The following GOLGA8A variants were observed in gnomAD, a reference collection of about 807,000 sequenced individuals.
GOLGA8A encodes golgin A8 family member A.
Under a neutral mutation model 22.1 loss-of-function variants are expected in GOLGA8A, and 3 were observed. That is an observed-to-expected ratio of 0.14 (90% CI 0.06 to 0.35). The LOEUF (loss-of-function observed/expected upper bound fraction) is 0.35. Ranked by LOEUF, GOLGA8A falls within the 10% of genes least tolerant of loss-of-function variation. GOLGA8A has a pLI of 1.00. For synonymous variants in GOLGA8A, 7 were observed against 91.7 expected, an observed-to-expected ratio of 0.08 and a Z score of 5.28; for missense variants, 16 against 233.2, an observed-to-expected ratio of 0.07 and a Z score of 6.07.
At position 34,380,417 on chromosome 15, in the gene GOLGA8A, TAAG is replaced by T. The variant is rs963916648; in HGVS notation, c.*991_*993del. 3 of 152,288 alleles carry T rather than the reference TAAG, an allele frequency of 2.0e-5. No individual in the cohort carries two copies. Among genetic ancestry groups the T allele is most frequent in the African/African-American group, 2.4e-5 (1 of 41,546 alleles). The allele number at this position is 152,288 out of a possible 1,614,324, so 9.4% of individuals were successfully genotyped here. A position where few individuals can be genotyped will look rare whatever the true frequency, so the allele number is the denominator to read the frequency against. ...TTCTTATGATCTTCACTAAATACAT[TAAG>T]AAGAATGCCAACCAGCGCCCTTTCG... On this transcript the variant is annotated 3_prime_UTR_variant, in exon 25 of 25. Transcript: ENST00000359187.
chr15:34,429,135 G>C (rs980221405), intron 2 of GOLGA8A, among the ~76,000 whole-genome samples: 1 of 143,716 alleles, frequency 7.0e-6, no homozygotes, highest in South Asian at 2.3e-4. Flanking sequence ...CCCTCCTCTC[G>C]CCTCTGGATG....
At position 34,431,589 on chromosome 15, in the gene GOLGA8A, T is replaced by G. The variant is rs912311242; in HGVS notation, c.-1123+3794A>C. On this transcript the variant is annotated intron_variant, in intron 2 of 24. Coordinates refer to ENST00000359187, the MANE Select transcript of GOLGA8A (RefSeq NM_181077.5). ...CTAGGCAGCATGTTACTGTGCTGAATGTGTGTATCTAAACATAGAAAAGGC... is the reference window on the plus strand; with the variant it reads ...CTAGGCAGCATGTTACTGTGCTGAAGGTGTGTATCTAAACATAGAAAAGGC... Among the ~76,000 whole-genome samples the G allele has an allele frequency of 2.2e-4, 33 of 147,056 alleles. 3 individuals are homozygous for G. Among genetic ancestry groups the G allele is most frequent in the African/African-American group, 6.5e-4 (26 of 39,782 alleles).
At chr15:34,419,077 G>A (rs1047381049) in intron 2 of GOLGA8A, 1 of 137,722 alleles carries the variant, frequency 7.3e-6, no homozygotes, top group Non-Finnish European at 1.6e-5. Context: ...GCTAATTTTT[G>A]TATTTTTGTA....
intron 2 of GOLGA8A, among the ~76,000 whole-genome samples, chr15:34,427,735 A>C (rs1449343794): frequency 6.7e-6 from 1 of 148,410 alleles, no homozygotes; most frequent in Non-Finnish European, 1.5e-5. Flanking sequence ...CCTATTTGCC[A>C]AATCACCAGC....
intron 2 of GOLGA8A, among the ~76,000 whole-genome samples, chr15:34,432,573 C>T (rs1893307402): frequency 6.7e-6 from 1 of 149,324 alleles, no homozygotes; most frequent in Non-Finnish European, 1.5e-5. Context: ...AGGGATGGAA[C>T]TCAACACACA....
chr15:34,432,509 G>T (rs1452695850), intron 2 of GOLGA8A, among the ~76,000 whole-genome samples: 1 of 148,896 alleles, frequency 6.7e-6, no homozygotes, highest in East Asian at 2.0e-4. Flanking sequence ...GCAAAGTTAA[G>T]ACAAGACCTG....
Position 34,379,871 on chromosome 15 carries a change from T to C in GOLGA8A, c.*1540A>G, listed in dbSNP as rs1285530403. The stretch of plus-strand genomic sequence containing the variant: ...TCATGCATAGGCACAATCACAGAAA[T>C]ATTGCACAAAGTATGTCCCTGACTG... On this transcript the variant is annotated 3_prime_UTR_variant, in exon 25 of 25. Transcript: ENST00000359187. The C allele has an allele frequency of 6.6e-6, 1 of 152,644 alleles. No individual in the cohort carries two copies. The highest frequency in any genetic ancestry group is 1.5e-5 in the Non-Finnish European group (1 of 68,046). 9.5% of individuals were successfully genotyped at this position (152,644 alleles called of 1,614,324 possible).
rs1016432750 is a variant in GOLGA8A at position 34,380,078 on chromosome 15, T to C, written c.*1333A>G. The stretch of plus-strand genomic sequence containing the variant: ...TCCTTGATTTTCAAAGATAATATAA[T>C]ACTGTCTACTAAAATTCCTTTTTGT... On this transcript the variant is annotated 3_prime_UTR_variant, in exon 25 of 25. Transcript: ENST00000359187. 2.6e-5 allele frequency: 4 copies of C among 152,590 alleles called. No homozygotes were observed. The highest frequency in any genetic ancestry group is 6.5e-5 in the Admixed American group (1 of 15,288). The allele number at this position is 152,590 out of a possible 1,614,324, so 9.5% of individuals were successfully genotyped here.
chr15:34,379,821 T>C lies in GOLGA8A; in HGVS notation c.*1590A>G, dbSNP rs942026801. ...CATCATCAAGTTATGATTTAGGCAATGTATGATTGAAATGCATTCATTCAT... is the reference window on the plus strand; with the variant it reads ...CATCATCAAGTTATGATTTAGGCAACGTATGATTGAAATGCATTCATTCAT... On this transcript the variant is annotated 3_prime_UTR_variant, in exon 25 of 25. Transcript: ENST00000359187. The C allele has an allele frequency of 3.3e-5, 5 of 152,688 alleles. No individual in the cohort carries two copies. The highest frequency in any genetic ancestry group is 4.8e-5 in the African/African-American group (2 of 41,474). The allele number at this position is 152,688 out of a possible 1,614,324, so 9.5% of individuals were successfully genotyped here.
At chr15:34,427,193 T>G (rs146724380) in intron 2 of GOLGA8A, among the ~76,000 whole-genome samples, 17,522 of 145,784 alleles carry the variant, frequency 0.12, 2,213 homozygotes, top group Non-Finnish European at 0.15. Context: ...TAGCCGGGAG[T>G]GGTGGCGGGC....
chr15:34,431,057 C>A (rs1431922956), intron 2 of GOLGA8A, among the ~76,000 whole-genome samples: 1 of 148,584 alleles, frequency 6.7e-6, no homozygotes, highest in Non-Finnish European at 1.5e-5. Flanking sequence ...TCCAGAGAGA[C>A]CTGAGAAATC....
At chr15:34,427,408 T>C (rs927802407) in intron 2 of GOLGA8A, among the ~76,000 whole-genome samples, 1 of 147,218 alleles carries the variant, frequency 6.8e-6, no homozygotes, top group Non-Finnish European at 1.5e-5. Context: ...ATCGAGTCCG[T>C]TTTTTCTGAA....
chr15:34,400,736 C>T lies in GOLGA8A; in HGVS notation c.-551G>A, dbSNP rs1332200394. ...CCGGATTCATACTTCAGGAAGACAA[C>T]CCAGTTGACAACGACAACAGTTTCT... On this transcript the variant is annotated 5_prime_UTR_variant, in exon 6 of 25. Transcript: ENST00000359187. 1.4e-5 allele frequency: 2 copies of T among 146,536 alleles called. No individual in the cohort carries two copies. The highest frequency in any genetic ancestry group is 4.9e-5 in the African/African-American group (2 of 40,922). 9.1% of individuals were successfully genotyped at this position (146,536 alleles called of 1,614,324 possible).
chr15:34,437,111 G>C (rs528540754), intron 1 of GOLGA8A, among the ~76,000 whole-genome samples: 1 of 146,236 alleles, frequency 6.8e-6, no homozygotes, highest in African/African-American at 2.5e-5. Context: ...CCTCGCCGCG[G>C]TGAGCCCCTC....
chr15:34,427,640 C>G lies in GOLGA8A; in HGVS notation c.-1123+7743G>C, dbSNP rs969395376. ...AGCTGTGGGACACTAGGCCAAGCTT[C>G]AAAAGGCAGCCTGCCAGCCATCGGA... is the stretch of plus-strand genomic sequence containing the variant. On this transcript the variant is annotated intron_variant, in intron 2 of 24. Transcript: ENST00000359187. Among the ~76,000 whole-genome samples, 10 of 146,040 alleles carry G rather than the reference C, an allele frequency of 6.8e-5. No homozygotes were observed. In the Admixed American group the frequency reaches 7.1e-4, roughly 10 times the overall value.
In GOLGA8A at chr15:34,380,116, C is replaced by A. The variant is rs759440142; in HGVS notation, c.*1295G>T. 6.6e-6 allele frequency: 1 copy of A among 152,362 alleles called. No homozygotes were observed. Among genetic ancestry groups the A allele is most frequent in the Non-Finnish European group, 1.5e-5 (1 of 68,032 alleles). The allele number at this position is 152,362 out of a possible 1,614,324, so 9.4% of individuals were successfully genotyped here. On this transcript the variant is annotated 3_prime_UTR_variant, in exon 25 of 25. Transcript: ENST00000359187. ...AATTCCTTTTTGTTTCAACTAAGTA[C>A]TCTCACATATATTAGTTTATAATAA...
chr15:34,433,926 T>C (rs1893369203), intron 2 of GOLGA8A, among the ~76,000 whole-genome samples: 1 of 148,576 alleles, frequency 6.7e-6, no homozygotes, highest in Non-Finnish European at 1.5e-5. Flanking sequence ...GAGCCGGCAA[T>C]AAGTGAGGGG....
At chr15:34,434,760 G>C (rs1301616353) in intron 2 of GOLGA8A, among the ~76,000 whole-genome samples, 1 of 149,316 alleles carries the variant, frequency 6.7e-6, no homozygotes, top group Non-Finnish European at 1.5e-5. Context: ...CCTACATCTG[G>C]GAGGCCTGCC....
intron 2 of GOLGA8A, chr15:34,418,075 T>C (rs1359274200): frequency 8.0e-6 from 1 of 125,754 alleles, no homozygotes; most frequent in Non-Finnish European, 1.7e-5. Context: ...TTCTTCTATG[T>C]GTTGGTCTCC....
Sources: allele counts gnomAD v4.1 joint callset (sites outside exome capture counted in the v4.1 genomes callset), GRCh38; gene constraint gnomAD v4.1.1; transcripts MANE v1.5; gene names NCBI Gene and HGNC (gene_info 2026-07-23, HGNC 2026-07-21).